The following H2BC7 variants were observed in gnomAD, a reference collection of about 807,000 sequenced individuals.
H2BC7 encodes histone H2B type 1-C/E/F/G/I.
H2BC7 carries 15 observed loss-of-function variants against 6.0 expected under a neutral mutation model. The ratio of observed to expected loss-of-function variants is 2.48; its 90% CI spans 1.66 to 3.82. The LOEUF (loss-of-function observed/expected upper bound fraction) is 3.82, where lower values mean the gene tolerates loss of function less well. H2BC7 is among the 30% of genes most tolerant of loss of function. H2BC7 has a pLI of 0.00. For synonymous variants in H2BC7, 148 were observed against 70.7 expected, an observed-to-expected ratio of 2.09 and a Z score of -5.49; for missense variants, 227 against 169.4, an observed-to-expected ratio of 1.34 and a Z score of -1.89.
In H2BC7 at chr6:26,199,530, T is replaced by G; in HGVS notation, c.-29T>G. The G allele has an allele frequency of 1.2e-6, 2 of 1,604,782 alleles. No individual in the cohort carries two copies. Among genetic ancestry groups the G allele is most frequent in the Non-Finnish European group, 8.5e-7 (1 of 1,176,956 alleles). ...AGAGTGAGGACACTTGCATTTCTCT[T>G]TAGGTTGTGGACGAAGTGTTTATTT... On this transcript the variant is annotated 5_prime_UTR_variant, in exon 1 of 1. Coordinates refer to ENST00000356530, the MANE Select transcript of H2BC7 (RefSeq NM_003522.4).
Position 26,199,932 on chromosome 6 carries a change from C to CTAAGTAA in H2BC7, c.376_*1dup, listed in dbSNP as rs1561983081. The CTAAGTAA allele has an allele frequency of 1.2e-6, 2 of 1,614,204 alleles. No individual in the cohort carries two copies. The highest frequency in any genetic ancestry group is 1.7e-6 in the Non-Finnish European group (2 of 1,180,040). Reference sequence around the variant, plus strand: ...AAGGCCGTCACCAAGTACACCAGCTCTAAGTAATTCTAACGTCTTCATACC... The same window carrying CTAAGTAA: ...AAGGCCGTCACCAAGTACACCAGCTCTAAGTAATAAGTAATTCTAACGTCTTCATACC... On this transcript the variant is annotated stop_gained and frameshift_variant, in exon 1 of 1. Transcript: ENST00000356530. LOFTEE classifies it high-confidence loss of function.
rs1202110936 is a variant in H2BC7 at position 26,199,597 on chromosome 6, G to A, written c.39G>A (p.Lys13=). The A allele has an allele frequency of 6.2e-7, 1 of 1,614,016 alleles. No individual in the cohort carries two copies. Among genetic ancestry groups the A allele is most frequent in the African/African-American group, 1.3e-5 (1 of 74,926 alleles). The change falls in exon 1 of 1, where the codon AAG becomes AAA. Residue 13 remains lysine (K), a synonymous_variant. Coordinates refer to ENST00000356530, the MANE Select transcript of H2BC7 (RefSeq NM_003522.4). The stretch of plus-strand genomic sequence containing the variant: ...CTAAGTCCGCTCCTGCTCCAAAAAA[G>A]GGCTCCAAAAAGGCGGTGACCAAGG... The part of the protein sequence containing the change: ...EPAKSAPAPK[K]GSKKAVTKAQ...
In H2BC7 at chr6:26,199,937, T is replaced by A. The variant is rs758458706; in HGVS notation, c.379T>A (p.Ter127LysextTer2). The A allele has an allele frequency of 6.2e-7, 1 of 1,614,116 alleles. No individual in the cohort carries two copies. The part of the protein sequence containing the change: ...KAVTKYTSSK[*>K] Reference sequence around the variant, plus strand: ...CGTCACCAAGTACACCAGCTCTAAGTAATTCTAACGTCTTCATACCCAATC... The same window carrying A: ...CGTCACCAAGTACACCAGCTCTAAGAAATTCTAACGTCTTCATACCCAATC... Residue 127 changes from the stop codon to lysine, a stop_lost, in exon 1 of 1, where the codon TAA (stop) becomes AAA (lysine). Transcript: ENST00000356530.
In H2BC7 at chr6:26,199,864, G is replaced by A. The variant is rs1433975406; in HGVS notation, c.306G>A (p.Leu102=). Residue 102 remains leucine, a synonymous_variant, in exon 1 of 1, where the codon CTG becomes CTA. Coordinates refer to ENST00000356530, the MANE Select transcript of H2BC7 (RefSeq NM_003522.4). ...AGATCCAGACGGCCGTACGCCTGCT[G>A]CTGCCCGGGGAGCTGGCTAAGCACG... ...SREIQTAVRL[L]LPGELAKHAV... is the part of the protein sequence containing the mutation. 6.2e-7 allele frequency: 1 copy of A among 1,614,122 alleles called. No homozygotes were observed. Among genetic ancestry groups the A allele is most frequent in the Non-Finnish European group, 8.5e-7 (1 of 1,180,040 alleles).
rs200039236 is a variant in H2BC7, at chr6:26,199,669, C to G, written c.111C>G (p.Ser37Arg). ...AGCGCAAGCGTAGCCGCAAGGAGAGCTATTCCGTGTACGTGTACAAGGTGC... is the reference window on the plus strand; with the variant it reads ...AGCGCAAGCGTAGCCGCAAGGAGAGGTATTCCGTGTACGTGTACAAGGTGC... ...GKKRKRSRKE[S>R]YSVYVYKVLK... The change falls in exon 1 of 1, where the codon AGC becomes AGG. Residue 37 changes from serine to arginine, a missense_variant. Physicochemically the swap from Ser to Arg is moderately radical, Grantham distance 110. Transcript: ENST00000356530. The G allele has an allele frequency of 1.2e-6, 2 of 1,614,264 alleles. No homozygotes were observed. The highest frequency in any genetic ancestry group is 1.7e-6 in the Non-Finnish European group (2 of 1,180,052).
At position 26,199,857 on chromosome 6, in the gene H2BC7, G is replaced by A. The variant is rs1052850503; in HGVS notation, c.299G>A (p.Arg100His). The change falls in exon 1 of 1, where the codon CGC (arginine) becomes CAC (histidine). Residue 100 changes from arginine to histidine, a missense_variant. By Grantham distance (29) the Arg-to-His change is conservative (BLOSUM62 0). Coordinates refer to ENST00000356530, the MANE Select transcript of H2BC7 (RefSeq NM_003522.4). ...TCCAGGGAGATCCAGACGGCCGTAC[G>A]CCTGCTGCTGCCCGGGGAGCTGGCT... ...ITSREIQTAVRLLLPGELAKH... is the reference protein window; with the variant it reads ...ITSREIQTAVHLLLPGELAKH... 1.2e-6 allele frequency: 2 copies of A among 1,614,220 alleles called. No individual in the cohort carries two copies. Among genetic ancestry groups the A allele is most frequent in the Non-Finnish European group, 8.5e-7 (1 of 1,180,026 alleles).
Position 26,199,850 on chromosome 6 carries a change from G to T in H2BC7, c.292G>T (p.Ala98Ser). Reference protein sequence around the residue: ...STITSREIQTAVRLLLPGELA... With the variant: ...STITSREIQTSVRLLLPGELA... ...CATCACCTCCAGGGAGATCCAGACGGCCGTACGCCTGCTGCTGCCCGGGGA... is the reference window on the plus strand; with the variant it reads ...CATCACCTCCAGGGAGATCCAGACGTCCGTACGCCTGCTGCTGCCCGGGGA... The change falls in exon 1 of 1, where the codon GCC becomes TCC. Residue 98 changes from alanine to serine, a missense_variant. Transcript: ENST00000356530. 6.2e-7 allele frequency: 1 copy of T among 1,614,250 alleles called. No homozygotes were observed. Among genetic ancestry groups the T allele is most frequent in the Non-Finnish European group, 8.5e-7 (1 of 1,180,040 alleles).
In H2BC7 at chr6:26,199,952, C is replaced by A; in HGVS notation, c.*13C>A. 1.2e-6 allele frequency: 2 copies of A among 1,613,450 alleles called. No homozygotes were observed. The highest frequency in any genetic ancestry group is 2.2e-5 in the South Asian group (2 of 91,026). ...CAGCTCTAAGTAATTCTAACGTCTT[C>A]ATACCCAATCCCAAAGGCTCTTTTA... is the stretch of plus-strand genomic sequence containing the variant. On this transcript the variant is annotated 3_prime_UTR_variant, in exon 1 of 1. Transcript: ENST00000356530.
rs200231907 is a variant in H2BC7, at chr6:26,199,682, G to A, written c.124G>A (p.Val42Met). ...RSRKESYSVYVYKVLKQVHPD... is the reference protein window; with the variant it reads ...RSRKESYSVYMYKVLKQVHPD... ...CCGCAAGGAGAGCTATTCCGTGTAC[G>A]TGTACAAGGTGCTAAAGCAGGTCCA... The change falls in exon 1 of 1, where the codon GTG becomes ATG. Residue 42 changes from valine (V) to methionine (M), a missense_variant. Val to Met is a conservative substitution (Grantham distance 21). Coordinates refer to ENST00000356530, the MANE Select transcript of H2BC7 (RefSeq NM_003522.4). 3 of 1,614,242 alleles carry A rather than the reference G, an allele frequency of 1.9e-6. No individual in the cohort carries two copies. The highest frequency in any genetic ancestry group is 1.1e-5 in the South Asian group (1 of 91,092).
In H2BC7 at chr6:26,199,638, G is replaced by T. The variant is rs747215214; in HGVS notation, c.80G>T (p.Gly27Val). ...GTGACCAAGGCGCAGAAGAAGGATG[G>T]TAAGAAGCGCAAGCGTAGCCGCAAG... ...KAVTKAQKKD[G>V]KKRKRSRKES... is the part of the protein sequence containing the mutation. The change falls in exon 1 of 1, where the codon GGT becomes GTT. Residue 27 changes from glycine to valine, a missense_variant. Transcript: ENST00000356530. The T allele has an allele frequency of 6.2e-7, 1 of 1,614,244 alleles. No individual in the cohort carries two copies.
In H2BC7 at chr6:26,199,624, G is replaced by C. The variant is rs778306518; in HGVS notation, c.66G>C (p.Ala22=). 1.9e-6 allele frequency: 3 copies of C among 1,614,234 alleles called. No individual in the cohort carries two copies. The highest frequency in any genetic ancestry group is 2.5e-6 in the Non-Finnish European group (3 of 1,180,042). Residue 22 remains alanine, a synonymous_variant, in exon 1 of 1, where the codon GCG becomes GCC. Coordinates refer to ENST00000356530, the MANE Select transcript of H2BC7 (RefSeq NM_003522.4). ...KKGSKKAVTK[A]QKKDGKKRKR... ...GCTCCAAAAAGGCGGTGACCAAGGC[G>C]CAGAAGAAGGATGGTAAGAAGCGCA... is the stretch of plus-strand genomic sequence containing the variant.
chr6:26,199,985 C>T lies in H2BC7; in HGVS notation c.*46C>T. ...ATCCCAAAGGCTCTTTTAAGAGCCA[C>T]CCACTTTTTCAGCTATAGAGTTGTA... On this transcript the variant is annotated 3_prime_UTR_variant, in exon 1 of 1. Transcript: ENST00000356530. The T allele has an allele frequency of 8.7e-6, 14 of 1,602,380 alleles. No individual in the cohort carries two copies. The highest frequency in any genetic ancestry group is 1.0e-5 in the Non-Finnish European group (12 of 1,175,046).
Position 26,199,623 on chromosome 6 carries a change from C to A in H2BC7, c.65C>A (p.Ala22Glu), listed in dbSNP as rs932144912. The A allele has an allele frequency of 1.9e-6, 3 of 1,614,232 alleles. No individual in the cohort carries two copies. Among genetic ancestry groups the A allele is most frequent in the Non-Finnish European group, 2.5e-6 (3 of 1,180,050 alleles). The change falls in exon 1 of 1, where the codon GCG becomes GAG. Residue 22 changes from alanine (A) to glutamate (E), a missense_variant. Transcript: ENST00000356530. Reference protein sequence around the residue: ...KKGSKKAVTKAQKKDGKKRKR... With the variant: ...KKGSKKAVTKEQKKDGKKRKR... Reference sequence around the variant, plus strand: ...GGCTCCAAAAAGGCGGTGACCAAGGCGCAGAAGAAGGATGGTAAGAAGCGC... The same window carrying A: ...GGCTCCAAAAAGGCGGTGACCAAGGAGCAGAAGAAGGATGGTAAGAAGCGC...
Position 26,199,926 on chromosome 6 carries a change from C to T in H2BC7, c.368C>T (p.Thr123Ile). The T allele has an allele frequency of 1.2e-6, 2 of 1,614,244 alleles. No homozygotes were observed. The highest frequency in any genetic ancestry group is 1.7e-6 in the Non-Finnish European group (2 of 1,180,046). The change falls in exon 1 of 1, where the codon ACC becomes ATC. Residue 123 changes from threonine to isoleucine, a missense_variant. By Grantham distance (89) the Thr-to-Ile change is moderately conservative. Transcript: ENST00000356530. ...SEGTKAVTKYTSSK is the reference protein window; with the variant it reads ...SEGTKAVTKYISSK ...GGCACCAAGGCCGTCACCAAGTACA[C>T]CAGCTCTAAGTAATTCTAACGTCTT... is the stretch of plus-strand genomic sequence containing the variant.
rs773370961 is a variant in H2BC7 at position 26,199,604 on chromosome 6, A to T, written c.46A>T (p.Lys16Ter). 3.7e-6 allele frequency: 6 copies of T among 1,614,108 alleles called. No homozygotes were observed. In the African/African-American group the frequency reaches 8.0e-5, roughly 22 times the overall value. ...CGCTCCTGCTCCAAAAAAGGGCTCC[A>T]AAAAGGCGGTGACCAAGGCGCAGAA... ...KSAPAPKKGSKKAVTKAQKKD... is the reference protein window; with the variant it reads ...KSAPAPKKGS The change falls in exon 1 of 1, where the codon AAA becomes TAA. Residue 16 changes from lysine (K) to a stop codon, truncating the protein, a stop_gained. Transcript: ENST00000356530. LOFTEE classifies it high-confidence loss of function.
Position 26,199,562 on chromosome 6 carries a change from C to A in H2BC7, c.4C>A (p.Pro2Thr), listed in dbSNP as rs1490626790. The A allele has an allele frequency of 6.2e-7, 1 of 1,613,774 alleles. No homozygotes were observed. M[P>T]EPAKSAPAPK... ...GTGGACGAAGTGTTTATTTATCATG[C>A]CTGAACCTGCTAAGTCCGCTCCTGC... The change falls in exon 1 of 1, where the codon CCT becomes ACT. Residue 2 changes from proline (P) to threonine (T), a missense_variant. Coordinates refer to ENST00000356530, the MANE Select transcript of H2BC7 (RefSeq NM_003522.4).
chr6:26,199,682 G>C lies in H2BC7; in HGVS notation c.124G>C (p.Val42Leu). The C allele has an allele frequency of 6.2e-6, 10 of 1,614,242 alleles. No homozygotes were observed. The highest frequency in any genetic ancestry group is 6.8e-6 in the Non-Finnish European group (8 of 1,180,048). Residue 42 changes from valine (V) to leucine (L), a missense_variant, in exon 1 of 1, where the codon GTG becomes CTG. Physicochemically the swap from Val to Leu is conservative, Grantham distance 32. Coordinates refer to ENST00000356530, the MANE Select transcript of H2BC7 (RefSeq NM_003522.4). The part of the protein sequence containing the change: ...RSRKESYSVY[V>L]YKVLKQVHPD... Reference sequence around the variant, plus strand: ...CCGCAAGGAGAGCTATTCCGTGTACGTGTACAAGGTGCTAAAGCAGGTCCA... The same window carrying C: ...CCGCAAGGAGAGCTATTCCGTGTACCTGTACAAGGTGCTAAAGCAGGTCCA...
rs910040288 is a variant in H2BC7 at position 26,199,663 on chromosome 6, G to A, written c.105G>A (p.Lys35=). Residue 35 remains lysine, a synonymous_variant, in exon 1 of 1, where the codon AAG becomes AAA. Coordinates refer to ENST00000356530, the MANE Select transcript of H2BC7 (RefSeq NM_003522.4). ...KDGKKRKRSR[K]ESYSVYVYKV... The stretch of plus-strand genomic sequence containing the variant: ...GTAAGAAGCGCAAGCGTAGCCGCAA[G>A]GAGAGCTATTCCGTGTACGTGTACA... 2.0e-5 allele frequency: 33 copies of A among 1,614,144 alleles called. No individual in the cohort carries two copies. The Admixed American group carries it at 2.5e-4, about 12-fold the overall frequency.
In H2BC7 at chr6:26,199,881, C is replaced by A. The variant is rs1332451322; in HGVS notation, c.323C>A (p.Ala108Asp). 8 of 1,614,240 alleles carry A rather than the reference C, an allele frequency of 5.0e-6. No individual in the cohort carries two copies. Among genetic ancestry groups the A allele is most frequent in the Non-Finnish European group, 6.8e-6 (8 of 1,180,042 alleles). The change falls in exon 1 of 1, where the codon GCT becomes GAT. Residue 108 changes from alanine to aspartate, a missense_variant. Transcript: ENST00000356530. The stretch of plus-strand genomic sequence containing the variant: ...CGCCTGCTGCTGCCCGGGGAGCTGG[C>A]TAAGCACGCCGTGTCAGAGGGCACC... ...AVRLLLPGEL[A>D]KHAVSEGTKA...
Sources: allele counts gnomAD v4.1 joint callset, GRCh38; gene constraint gnomAD v4.1.1; transcripts MANE v1.5; gene names NCBI Gene and HGNC (gene_info 2026-07-23, HGNC 2026-07-21).